PCDH15: variants seen among roughly 807,000 people sequenced by gnomAD.
The protein encoded by PCDH15 is protocadherin related 15.
A neutral mutation model predicts 178.5 loss-of-function variants in PCDH15; 129 were observed. The observed-to-expected ratio is 0.72, with a 90% CI of 0.63 to 0.84. PCDH15 has a LOEUF of 0.84. PCDH15 is among the 40% of genes least tolerant of loss of function. PCDH15 has a pLI of 0.00. For synonymous variants in PCDH15, 800 were observed against 732.0 expected (o/e 1.09, Z -1.50); for missense variants, 2,230 against 2,099.9 (o/e 1.06, Z -1.21).
At chr10:55,184,814 C>T (rs186231377) in intron 1 of PCDH15, among the ~76,000 whole-genome samples, 1 of 151,962 alleles carries the variant, frequency 6.6e-6, no homozygotes, top group East Asian at 1.9e-4. Flanking sequence ...AAAGTTAAAC[C>T]ACGGATATCA....
At chr10:53,883,464 C>T (rs2080878661) in intron 26 of PCDH15, among the ~76,000 whole-genome samples, 1 of 151,956 alleles carries the variant, frequency 6.6e-6, no homozygotes, top group Admixed American at 6.6e-5. Flanking sequence ...TTTGTTTTTA[C>T]AAATCCCTGT....
At chr10:54,218,149 T>C (rs1370221699) in intron 9 of PCDH15, among the ~76,000 whole-genome samples, 1 of 152,116 alleles carries the variant, frequency 6.6e-6, no homozygotes, top group East Asian at 1.9e-4. Context: ...AAACAAATAA[T>C]TGATTAAAAA....
At chr10:54,045,514 G>A in intron 18 of PCDH15, among the ~76,000 whole-genome samples, 1 of 152,036 alleles carries the variant, frequency 6.6e-6, no homozygotes, top group Middle Eastern at 3.2e-3. Context: ...CACTATAATT[G>A]AGACAGTGTG....
intron 2 of PCDH15, among the ~76,000 whole-genome samples, chr10:55,043,908 TA>T (rs1237350234): frequency 6.6e-6 from 1 of 151,818 alleles, no homozygotes; most frequent in Non-Finnish European, 1.5e-5. Context: ...TTGAATGGGT[TA>T]AAAACTACAG....
In PCDH15 at chr10:54,850,219, T is replaced by TCAGCAG. The variant is rs1166256038; in HGVS notation, c.-29+47230_-29+47231insCTGCTG. The stretch of plus-strand genomic sequence containing the variant: ...TTTTTCTTAGTTCTCTCAGCAGCAT[T>TCAGCAG]TACATCAATACTCGATTTGTGAAAT... On this transcript the variant is annotated intron_variant, in intron 3 of 5. Coordinates refer to the PCDH15 transcript ENST00000458638. Among the ~76,000 whole-genome samples the TCAGCAG allele has an allele frequency of 2.6e-5, 4 of 152,196 alleles. No homozygotes were observed. The East Asian group carries it at 5.8e-4, about 22-fold the overall frequency.
intron 1 of PCDH15, among the ~76,000 whole-genome samples, chr10:55,274,839 A>G (rs1842545150): frequency 6.6e-6 from 1 of 152,004 alleles, no homozygotes; most frequent in Non-Finnish European, 1.5e-5. Flanking sequence ...GATCCCTTGC[A>G]TGTGCAGTTC....
chr10:55,124,146 C>A (rs1027051598), intron 2 of PCDH15, among the ~76,000 whole-genome samples: 2 of 152,120 alleles, frequency 1.3e-5, no homozygotes, highest in African/African-American at 4.8e-5. Context: ...ATATGCCAAT[C>A]ATAGACAACC....
chr10:54,921,605 T>C (rs1837489305), intron 2 of PCDH15, among the ~76,000 whole-genome samples: 1 of 152,192 alleles, frequency 6.6e-6, no homozygotes, highest in Non-Finnish European at 1.5e-5. Flanking sequence ...GTTACTGCCC[T>C]AGTTTGCTAA....
rs1445704974 is a variant in PCDH15, at chr10:54,916,266, A to T, written c.-79-18766T>A. Reference sequence around the variant, plus strand: ...TGAGCCATCACACCTGGCTGACATTACCTAATTTTATTTACCTGAAAATAT... The same window carrying T: ...TGAGCCATCACACCTGGCTGACATTTCCTAATTTTATTTACCTGAAAATAT... On this transcript the variant is annotated intron_variant, in intron 2 of 5. Coordinates refer to the PCDH15 transcript ENST00000458638. Among the ~76,000 whole-genome samples the T allele has an allele frequency of 5.3e-5, 8 of 152,280 alleles. No homozygotes were observed. The East Asian group carries it at 9.7e-4, about 18-fold the overall frequency.
At chr10:54,693,323 C>T (rs1200111750) in intron 1 of PCDH15, among the ~76,000 whole-genome samples, 4 of 151,742 alleles carry the variant, frequency 2.6e-5, no homozygotes, top group African/African-American at 7.3e-5. Flanking sequence ...TTATATGAAG[C>T]TTAACATTTA....
chr10:55,286,423 G>A (rs938861614), intron 1 of PCDH15, among the ~76,000 whole-genome samples: 1 of 151,040 alleles, frequency 6.6e-6, no homozygotes, highest in Admixed American at 6.6e-5. Context: ...CAGTACATAA[G>A]TTATTGTAAT....
At chr10:54,772,789 C>A (rs917411066) in intron 1 of PCDH15, among the ~76,000 whole-genome samples, 5 of 152,070 alleles carry the variant, frequency 3.3e-5, no homozygotes, top group African/African-American at 4.8e-5. Flanking sequence ...GAATATAAAT[C>A]ATTCTACTAT....
intron 3 of PCDH15, among the ~76,000 whole-genome samples, chr10:54,522,765 T>C (rs115005879): frequency 0.023 from 3,516 of 152,264 alleles, 123 homozygotes; most frequent in African/African-American, 0.078. Context: ...AAATGACTGA[T>C]TGAACAACAA....
At chr10:54,427,315 G>T (rs1589357237) in intron 3 of PCDH15, among the ~76,000 whole-genome samples, 2 of 76,770 alleles carry the variant, frequency 2.6e-5, no homozygotes, top group Admixed American at 2.3e-4. Context: ...TTTCGCTCTT[G>T]TTGCCCAGGC....
At chr10:54,335,874 A>G (rs1229493547) in intron 6 of PCDH15, among the ~76,000 whole-genome samples, 1 of 152,156 alleles carries the variant, frequency 6.6e-6, no homozygotes. Flanking sequence ...AACAGTTTGG[A>G]GGGCTCAGAA....
chr10:54,912,031 G>A (rs531775831), intron 2 of PCDH15, among the ~76,000 whole-genome samples: 3 of 152,090 alleles, frequency 2.0e-5, no homozygotes, highest in East Asian at 3.9e-4. Flanking sequence ...TGTAGATATG[G>A]AGAAATGACA....
At chr10:54,392,037 T>C (rs1387446342) in intron 3 of PCDH15, among the ~76,000 whole-genome samples, 11 of 152,158 alleles carry the variant, frequency 7.2e-5, no homozygotes, top group Non-Finnish European at 1.2e-4. Context: ...TTAGTTGTAG[T>C]TTCCTTTATG....
At chr10:53,836,845 T>C (rs1317603593) in intron 29 of PCDH15, among the ~76,000 whole-genome samples, 1 of 152,166 alleles carries the variant, frequency 6.6e-6, no homozygotes, top group African/African-American at 2.4e-5. Flanking sequence ...GAACTCTGAT[T>C]CAACTCTGAT....
intron 27 of PCDH15, among the ~76,000 whole-genome samples, chr10:53,860,682 T>C (rs1396467034): frequency 1.5e-5 from 2 of 129,658 alleles, no homozygotes; most frequent in East Asian, 4.7e-4. Flanking sequence ...AGAGAGTCAA[T>C]ATCACGCCAC....
Sources: allele counts gnomAD v4.1 joint callset (sites outside exome capture counted in the v4.1 genomes callset), GRCh38; gene constraint gnomAD v4.1.1; transcripts MANE v1.5; gene names NCBI Gene and HGNC (gene_info 2026-07-23, HGNC 2026-07-21).